The following TEX50 variants were observed in gnomAD, a reference collection of about 807,000 sequenced individuals.
TEX50 encodes testis expressed 50, also known as testis-expressed protein 50.
TEX50 carries 3 observed loss-of-function variants against 9.8 expected under a neutral mutation model. The ratio of observed to expected loss-of-function variants is 0.31; its 90% confidence interval spans 0.14 to 0.79. The LOEUF is 0.79. Among genes scored for constraint, TEX50 ranks in the 30% least tolerant of loss-of-function variants. TEX50 has a pLI of 0.63. For missense variants in TEX50, 164 were observed against 199.3 expected (o/e 0.82, Z 1.07); for synonymous variants, 61 against 72.1 (o/e 0.85, Z 0.78).
intron 1 of TEX50, among the ~76,000 whole-genome samples, chr1:173,636,055 C>A (rs1668425676): frequency 6.6e-6 from 1 of 152,080 alleles, no homozygotes; most frequent in Non-Finnish European, 1.5e-5. Flanking sequence ...TTAGAATCAT[C>A]TAGCCCCCTC....
In TEX50 at chr1:173,635,504, T is replaced by C; in HGVS notation, c.-18T>C. ...ATAGCTAAATTTTAGCTACTTTTTT[T>C]TCAATTGACAAAGAAGGATGTCTAA... On this transcript the variant is annotated 5_prime_UTR_variant, in exon 1 of 2. Coordinates refer to ENST00000417563, the MANE Select transcript of TEX50 (RefSeq NM_001195190.3). The C allele has an allele frequency of 1.4e-6, 2 of 1,479,244 alleles. No homozygotes were observed. The highest frequency in any genetic ancestry group is 1.8e-6 in the Non-Finnish European group (2 of 1,119,494). 91.6% of individuals were successfully genotyped at this position (1,479,244 alleles called of 1,614,324 possible). A position where few individuals can be genotyped will look rare whatever the true frequency, so the allele number is the denominator to read the frequency against.
rs532208235 is a variant in TEX50 at position 173,635,786 on chromosome 1, G to A, written c.265G>A (p.Val89Ile). The A allele has an allele frequency of 2.6e-5, 40 of 1,535,244 alleles. No individual in the cohort carries two copies. The highest frequency in any genetic ancestry group is 1.7e-4 in the Middle Eastern group (1 of 5,982). Residue 89 changes from valine to isoleucine, a missense_variant, in exon 1 of 2, where the codon GTC becomes ATC. Physicochemically the swap from Val to Ile is conservative, Grantham distance 29. Coordinates refer to ENST00000417563, the MANE Select transcript of TEX50 (RefSeq NM_001195190.3). Reference sequence around the variant, plus strand: ...TAATTTATTACAAGCTGTCTTCTTCGTCTTATTTGTTTTGTCTGTGCATTA... The same window carrying A: ...TAATTTATTACAAGCTGTCTTCTTCATCTTATTTGTTTTGTCTGTGCATTA... ...IYNLLQAVFF[V>I]LFVLSVHYLW...
chr1:173,636,152 T>C (rs562819424), intron 1 of TEX50, among the ~76,000 whole-genome samples: 2 of 152,138 alleles, frequency 1.3e-5, no homozygotes, highest in Non-Finnish European at 2.9e-5. Flanking sequence ...TCTGGGTCCT[T>C]AGGTAAGTCA....
At position 173,636,862 on chromosome 1, in the gene TEX50, T is replaced by A; in HGVS notation, c.360T>A (p.Asn120Lys). The stretch of plus-strand genomic sequence containing the variant: ...AAGCCTCCTTAGAAAAACCTGGTAA[T>A]GATCTAGAAAGCCCATTGATCAACA... Reference protein sequence around the residue: ...KKQASLEKPGNDLESPLINNI... With the variant: ...KKQASLEKPGKDLESPLINNI... Residue 120 changes from asparagine to lysine, a missense_variant, in exon 2 of 2, where the codon AAT becomes AAA. By Grantham distance (94) the Asn-to-Lys change is moderately conservative. This residue lies in a region of TEX50 where 135 missense variants were observed against 154.2 expected (regional missense o/e 0.88). Coordinates refer to ENST00000417563, the MANE Select transcript of TEX50 (RefSeq NM_001195190.3). 1 of 1,535,830 alleles carries A rather than the reference T, an allele frequency of 6.5e-7. No homozygotes were observed. The highest frequency in any genetic ancestry group is 8.7e-7 in the Non-Finnish European group (1 of 1,146,768).
At position 173,637,101 on chromosome 1, in the gene TEX50, G is replaced by T. The variant is rs901177848; in HGVS notation, c.*65G>T. The T allele has an allele frequency of 2.6e-6, 3 of 1,162,646 alleles. No homozygotes were observed. The highest frequency in any genetic ancestry group is 1.5e-5 in the South Asian group (1 of 67,958). 72.0% of individuals were successfully genotyped at this position (1,162,646 alleles called of 1,614,324 possible). A position where few individuals can be genotyped will look rare whatever the true frequency, so the allele number is the denominator to read the frequency against. ...ATCACAAAAGAAATCTATCATCTAAGGATTAAAAATTGTTCTTTGGAAACC... is the reference window on the plus strand; with the variant it reads ...ATCACAAAAGAAATCTATCATCTAATGATTAAAAATTGTTCTTTGGAAACC... On this transcript the variant is annotated 3_prime_UTR_variant, in exon 2 of 2. Coordinates refer to ENST00000417563, the MANE Select transcript of TEX50 (RefSeq NM_001195190.3).
At position 173,635,777 on chromosome 1, in the gene TEX50, G is replaced by A. The variant is rs1668407535; in HGVS notation, c.256G>A (p.Val86Ile). The change falls in exon 1 of 2, where the codon GTC becomes ATC. Residue 86 changes from valine to isoleucine, a missense_variant. Around this residue, in one of 3 missense-constraint regions of TEX50, gnomAD observed 135 missense variants for 154.2 expected, o/e 0.88. Transcript: ENST00000417563. ...LYLIYNLLQA[V>I]FFVLFVLSVH... ...TCTCATTTATAATTTATTACAAGCT[G>A]TCTTCTTCGTCTTATTTGTTTTGTC... The A allele has an allele frequency of 1.3e-6, 2 of 1,535,248 alleles. No homozygotes were observed. Among genetic ancestry groups the A allele is most frequent in the South Asian group, 1.2e-5 (1 of 84,028 alleles).
At chr1:173,635,946 A>G in intron 1 of TEX50, 101 bp downstream of exon 1, 1 of 876,832 alleles carries the variant, frequency 1.1e-6, no homozygotes, top group Non-Finnish European at 1.7e-6. Context: ...TTTATTCCTC[A>G]TTGTAACCTT....
At position 173,635,667 on chromosome 1, in the gene TEX50, G is replaced by A. The variant is rs1025092775; in HGVS notation, c.146G>A (p.Gly49Asp). The A allele has an allele frequency of 6.5e-7, 1 of 1,535,624 alleles. No individual in the cohort carries two copies. The highest frequency in any genetic ancestry group is 2.4e-5 in the East Asian group (1 of 40,902). Residue 49 changes from glycine (G) to aspartate (D), a missense_variant, in exon 1 of 2, where the codon GGT (glycine) becomes GAT (aspartate). Physicochemically the swap from Gly to Asp is moderately conservative, Grantham distance 94. Coordinates refer to ENST00000417563, the MANE Select transcript of TEX50 (RefSeq NM_001195190.3). ...PEEVHYWKVKGSPSHCLPYLL... is the reference protein window; with the variant it reads ...PEEVHYWKVKDSPSHCLPYLL... ...GAAGTACATTATTGGAAAGTTAAGG[G>A]TTCTCCATCTCACTGCCTGCCTTAT...
At position 173,635,837 on chromosome 1, in the gene TEX50, C is replaced by CA. The variant is rs1355068391; in HGVS notation, c.323dup (p.Leu109AlafsTer12). On this transcript the variant is annotated frameshift_variant, in exon 1 of 2. Coordinates refer to ENST00000417563, the MANE Select transcript of TEX50 (RefSeq NM_001195190.3). LOFTEE classifies it low-confidence loss of function (END_TRUNC). The stretch of plus-strand genomic sequence containing the variant: ...CCTGTGGAAGAAATGGAAGAAACAC[C>CA]AAAAAAAGGTGAATTCGTGATACAA... The CA allele has an allele frequency of 3.3e-6, 5 of 1,517,598 alleles. No homozygotes were observed. Among genetic ancestry groups the CA allele is most frequent in the Admixed American group, 4.2e-5 (2 of 47,516 alleles). The allele number at this position is 1,517,598 out of a possible 1,614,324, so 94.0% of individuals were successfully genotyped here. A position where few individuals can be genotyped will look rare whatever the true frequency, so the allele number is the denominator to read the frequency against.
Position 173,637,033 on chromosome 1 carries a change from C to G in TEX50, c.531C>G (p.Tyr177Ter). The G allele has an allele frequency of 6.6e-7, 1 of 1,504,422 alleles. No individual in the cohort carries two copies. The highest frequency in any genetic ancestry group is 1.2e-5 in the South Asian group (1 of 83,302). The allele number at this position is 1,504,422 out of a possible 1,614,324, so 93.2% of individuals were successfully genotyped here. ...KKSKEEGARR[Y>*] The stretch of plus-strand genomic sequence containing the variant: ...GTAAAGAAGAAGGAGCCAGAAGATA[C>G]TAAATAAATGCATATGCAAATGTAG... Residue 177 changes from tyrosine to a stop codon, truncating the protein, a stop_gained, in exon 2 of 2, where the codon TAC (tyrosine) becomes TAG (stop). Transcript: ENST00000417563. LOFTEE classifies it high-confidence loss of function.
At position 173,635,433 on chromosome 1, in the gene TEX50, A is replaced by C; in HGVS notation, c.-89A>C. The C allele has an allele frequency of 3.1e-6, 3 of 958,590 alleles. No homozygotes were observed. Among genetic ancestry groups the C allele is most frequent in the Non-Finnish European group, 4.5e-6 (3 of 666,798 alleles). The allele number at this position is 958,590 out of a possible 1,614,324, so 59.4% of individuals were successfully genotyped here. A position where few individuals can be genotyped will look rare whatever the true frequency, so the allele number is the denominator to read the frequency against. On this transcript the variant is annotated 5_prime_UTR_variant, in exon 1 of 2. Coordinates refer to ENST00000417563, the MANE Select transcript of TEX50 (RefSeq NM_001195190.3). ...TATTTTCTGCTTCCCTTCGTAGGGA[A>C]TTTAGTTATTTTATTTTATTATTTA...
Position 173,636,988 on chromosome 1 carries a change from C to T in TEX50, c.486C>T (p.His162=). Residue 162 remains histidine (H), a synonymous_variant, in exon 2 of 2, where the codon CAC becomes CAT. Coordinates refer to ENST00000417563, the MANE Select transcript of TEX50 (RefSeq NM_001195190.3). ...ATCCTTCCTCTAAGAAAATTAAGCA[C>T]TGCAAATTAAAGAAGAAGAGTAAAG... The part of the protein sequence containing the change: ...SHHPSSKKIK[H]CKLKKKSKEE... 4.6e-6 allele frequency: 7 copies of T among 1,535,388 alleles called. No individual in the cohort carries two copies. Among genetic ancestry groups the T allele is most frequent in the Non-Finnish European group, 5.2e-6 (6 of 1,146,540 alleles).
Position 173,635,736 on chromosome 1 carries a change from T to C in TEX50, c.215T>C (p.Phe72Ser). The C allele has an allele frequency of 6.5e-7, 1 of 1,535,536 alleles. No homozygotes were observed. Among genetic ancestry groups the C allele is most frequent in the Non-Finnish European group, 8.7e-7 (1 of 1,146,438 alleles). The change falls in exon 1 of 2, where the codon TTT becomes TCT. Residue 72 changes from phenylalanine to serine, a missense_variant. Around this residue, in one of 3 missense-constraint regions of TEX50, gnomAD observed 135 missense variants for 154.2 expected, o/e 0.88. Coordinates refer to ENST00000417563, the MANE Select transcript of TEX50 (RefSeq NM_001195190.3). ...LCCDFANMDI[F>S]QGCLYLIYNL... ...TGCGACTTTGCTAACATGGATATAT[T>C]TCAGGGTTGTTTATATCTCATTTAT...
intron 1 of TEX50, 37 bp from the exon 2 acceptor site, chr1:173,636,790 T>C (rs1289820712): frequency 5.6e-6 from 8 of 1,424,676 alleles, no homozygotes; most frequent in Middle Eastern, 1.7e-4. Context: ...TCTACTGTTT[T>C]ATGTAGATAA....
chr1:173,635,556 T>C lies in TEX50; in HGVS notation c.35T>C (p.Leu12Pro). Residue 12 changes from leucine to proline, a missense_variant, in exon 1 of 2, where the codon CTG (leucine) becomes CCG (proline). Leu to Pro is a moderately conservative substitution (Grantham distance 98, BLOSUM62 -3). Coordinates refer to ENST00000417563, the MANE Select transcript of TEX50 (RefSeq NM_001195190.3). ...CAAAGACTACCGCTGATTTTTTCTC[T>C]GTTGTTTATCTGCTTCTTCGGGGAG... ...SNQRLPLIFS[L>P]LFICFFGESF... The C allele has an allele frequency of 6.5e-7, 1 of 1,533,756 alleles. No homozygotes were observed. Among genetic ancestry groups the C allele is most frequent in the South Asian group, 1.2e-5 (1 of 83,642 alleles).
At chr1:173,636,434 C>T (rs1668445647) in intron 1 of TEX50, among the ~76,000 whole-genome samples, 1 of 152,128 alleles carries the variant, frequency 6.6e-6, no homozygotes, top group Non-Finnish European at 1.5e-5. Context: ...CCTCATTGAC[C>T]TTCAGAAGAA....
At position 173,635,643 on chromosome 1, in the gene TEX50, A is replaced by T. The variant is rs1397498702; in HGVS notation, c.122A>T (p.Glu41Val). Residue 41 changes from glutamate (E) to valine (V), a missense_variant, in exon 1 of 2, where the codon GAA (glutamate) becomes GTA (valine). Coordinates refer to ENST00000417563, the MANE Select transcript of TEX50 (RefSeq NM_001195190.3). Reference sequence around the variant, plus strand: ...GTTGGATGGGAGATTCTTCCAGAAGAAGTACATTATTGGAAAGTTAAGGGT... The same window carrying T: ...GTTGGATGGGAGATTCTTCCAGAAGTAGTACATTATTGGAAAGTTAAGGGT... ...TKVGWEILPE[E>V]VHYWKVKGSP... The T allele has an allele frequency of 6.5e-7, 1 of 1,535,690 alleles. No individual in the cohort carries two copies. Among genetic ancestry groups the T allele is most frequent in the Non-Finnish European group, 8.7e-7 (1 of 1,146,594 alleles).
At position 173,635,832 on chromosome 1, in the gene TEX50, A is replaced by C. The variant is rs1432228465; in HGVS notation, c.311A>C (p.Lys104Thr). ...CATTACCTGTGGAAGAAATGGAAGA[A>C]ACACCAAAAAAAGGTGAATTCGTGA... ...SVHYLWKKWKKHQKKLKKQAS... is the reference protein window; with the variant it reads ...SVHYLWKKWKTHQKKLKKQAS... The change falls in exon 1 of 2, where the codon AAA becomes ACA. Residue 104 changes from lysine to threonine, a missense_variant. This residue lies in a region of TEX50 where 135 missense variants were observed against 154.2 expected (regional missense o/e 0.88). Transcript: ENST00000417563. 2 of 1,529,000 alleles carry C rather than the reference A, an allele frequency of 1.3e-6. No homozygotes were observed. Among genetic ancestry groups the C allele is most frequent in the African/African-American group, 1.4e-5 (1 of 72,652 alleles). The allele number at this position is 1,529,000 out of a possible 1,614,324, so 94.7% of individuals were successfully genotyped here. A position where few individuals can be genotyped will look rare whatever the true frequency, so the allele number is the denominator to read the frequency against.
In TEX50 at chr1:173,635,403, C is replaced by T; in HGVS notation, c.-119C>T. ...TGAAGCACCATTTTAACTAATAGCT[C>T]CTGGTATTTTCTGCTTCCCTTCGTA... On this transcript the variant is annotated 5_prime_UTR_variant, in exon 1 of 2. Coordinates refer to ENST00000417563, the MANE Select transcript of TEX50 (RefSeq NM_001195190.3). 2 of 784,758 alleles carry T rather than the reference C, an allele frequency of 2.5e-6. No individual in the cohort carries two copies. Among genetic ancestry groups the T allele is most frequent in the Non-Finnish European group, 3.9e-6 (2 of 510,190 alleles). 48.6% of individuals were successfully genotyped at this position (784,758 alleles called of 1,614,324 possible).
Sources: allele counts gnomAD v4.1 joint callset (sites outside exome capture counted in the v4.1 genomes callset), GRCh38; gene constraint gnomAD v4.1.1; regional missense constraint gnomAD v4.1.1; transcripts MANE v1.5; gene names NCBI Gene and HGNC (gene_info 2026-07-23, HGNC 2026-07-21).